CPA6: variants seen among roughly 807,000 people sequenced by gnomAD.
CPA6 encodes the protein carboxypeptidase B.
In CPA6, 58 loss-of-function variants were observed where a neutral mutation model predicts 63.3. The observed-to-expected ratio is 0.92, with a 90% confidence interval of 0.74 to 1.14. The LOEUF is 1.14. CPA6 is among the 50% of genes most tolerant of loss of function. The probability of loss-of-function intolerance (pLI) is 0.00; values close to 1 mark genes in which losing one functional copy is unlikely to be tolerated. For missense variants in CPA6, 565 were observed against 526.6 expected (o/e 1.07, Z -0.71); for synonymous variants, 185 against 179.0 (o/e 1.03, Z -0.27).
At chr8:67,600,329 G>T (rs180977382) in intron 2 of CPA6, among the ~76,000 whole-genome samples, 1 of 139,884 alleles carries the variant, frequency 7.1e-6, no homozygotes, top group East Asian at 2.5e-4. Context: ...ATAAAGCACA[G>T]AGTAGAATGG....
intron 2 of CPA6, among the ~76,000 whole-genome samples, chr8:67,611,422 T>C (rs78254518): frequency 0.026 from 3,964 of 152,234 alleles, 85 homozygotes; most frequent in African/African-American, 0.062. Context: ...CCACTTTAGA[T>C]GGTAGGGTTA....
intron 4 of CPA6, among the ~76,000 whole-genome samples, chr8:67,510,596 A>G (rs1230219314): frequency 6.6e-6 from 1 of 152,178 alleles, no homozygotes; most frequent in Non-Finnish European, 1.5e-5. Context: ...ATAATTTTGA[A>G]AGGAGAGTTG....
intron 1 of CPA6, among the ~76,000 whole-genome samples, chr8:67,671,535 A>G (rs1327606720): frequency 6.6e-6 from 1 of 152,202 alleles, no homozygotes; most frequent in East Asian, 1.9e-4. Flanking sequence ...CTGCTTCTAT[A>G]TGATTCTGGC....
In CPA6 at chr8:67,428,108, C is replaced by A; in HGVS notation, c.1065G>T (p.Val355=). Reference sequence around the variant, plus strand: ...CCCCGTATACTGACTGAAGTGCATTCACAGCTTTATAAGCTGCAGATTCCT... The same window carrying A: ...CCCCGTATACTGACTGAAGTGCATTAACAGCTTTATAAGCTGCAGATTCCT... ...RCVESAAYKA[V]NALQSVYGVR... The change falls in exon 10 of 11, where the codon GTG becomes GTT. Residue 355 remains valine (V), a synonymous_variant. Transcript: ENST00000297770. The A allele has an allele frequency of 6.2e-7, 1 of 1,612,522 alleles. No individual in the cohort carries two copies. The highest frequency in any genetic ancestry group is 8.5e-7 in the Non-Finnish European group (1 of 1,178,814).
At chr8:67,548,142 TCTCTCC>T (rs1812860671) in intron 2 of CPA6, among the ~76,000 whole-genome samples, 1 of 52,458 alleles carries the variant, frequency 1.9e-5, no homozygotes, top group South Asian at 7.6e-4. Context: ...CCTCTCTCTC[TCTCTCC>T]CTCTCATCCT....
At chr8:67,705,831 C>T (rs1817122361) in intron 1 of CPA6, among the ~76,000 whole-genome samples, 1 of 152,216 alleles carries the variant, frequency 6.6e-6, no homozygotes, top group African/African-American at 2.4e-5. Context: ...TGGATAACCT[C>T]CTTATATGCT....
At chr8:67,717,987 G>A (rs1253347805) in intron 1 of CPA6, among the ~76,000 whole-genome samples, 2 of 152,106 alleles carry the variant, frequency 1.3e-5, no homozygotes, top group East Asian at 3.9e-4. Flanking sequence ...CAGGCTTTCG[G>A]GAGATAAACA....
intron 2 of CPA6, among the ~76,000 whole-genome samples, chr8:67,596,405 CT>C (rs1455683287): frequency 6.6e-6 from 1 of 152,192 alleles, no homozygotes; most frequent in Non-Finnish European, 1.5e-5. Flanking sequence ...AGCTGTTAAG[CT>C]GCTTGTTTTA....
chr8:67,561,342 C>T (rs975333364), intron 2 of CPA6, among the ~76,000 whole-genome samples: 1 of 152,172 alleles, frequency 6.6e-6, no homozygotes, highest in African/African-American at 2.4e-5. Flanking sequence ...TTGGCAGACA[C>T]CTTTTCAATC....
chr8:67,489,519 A>G (rs1462385237), intron 6 of CPA6, among the ~76,000 whole-genome samples: 1 of 151,952 alleles, frequency 6.6e-6, no homozygotes. Context: ...TTTTTTTAAA[A>G]TAAATGATTT....
chr8:67,443,726 C>T (rs926203036), intron 8 of CPA6, among the ~76,000 whole-genome samples: 2 of 152,092 alleles, frequency 1.3e-5, no homozygotes, highest in African/African-American at 4.8e-5. Context: ...TTAGACTGAT[C>T]TTGTAAAAGT....
chr8:67,468,416 CTACTAAAAA>C (rs1490881324), intron 8 of CPA6, among the ~76,000 whole-genome samples: 2 of 151,070 alleles, frequency 1.3e-5, no homozygotes, highest in African/African-American at 4.9e-5. Context: ...AACCCTGTCT[CTACTAAAAA>C]TACTAAAAAA....
chr8:67,510,660 T>C (rs139341658), intron 4 of CPA6, among the ~76,000 whole-genome samples: 9 of 152,320 alleles, frequency 5.9e-5, no homozygotes, highest in Middle Eastern at 3.4e-3. Context: ...TCATTTATTT[T>C]ATGTCTGGCA....
At chr8:67,666,583 A>T (rs1365184101) in intron 1 of CPA6, among the ~76,000 whole-genome samples, 1 of 152,150 alleles carries the variant, frequency 6.6e-6, no homozygotes, top group Non-Finnish European at 1.5e-5. Context: ...AGCATGTGGA[A>T]TAGCAGCCCA....
At chr8:67,580,333 T>G (rs960824688) in intron 2 of CPA6, among the ~76,000 whole-genome samples, 2 of 152,134 alleles carry the variant, frequency 1.3e-5, no homozygotes, top group Non-Finnish European at 1.5e-5. Context: ...CAACACAAGT[T>G]GAGATAGCAT....
chr8:67,496,074 G>A (rs765049716), intron 6 of CPA6, among the ~76,000 whole-genome samples: 7 of 152,058 alleles, frequency 4.6e-5, no homozygotes, highest in Non-Finnish European at 1.0e-4. Flanking sequence ...CAACTTCTCA[G>A]TCAAGGCTGG....
intron 2 of CPA6, among the ~76,000 whole-genome samples, chr8:67,591,433 G>T (rs1416915826): frequency 1.6e-4 from 24 of 152,198 alleles, no homozygotes; most frequent in Admixed American, 1.5e-3. Flanking sequence ...ACAGTCATTG[G>T]TAGCTTGATG....
At chr8:67,506,672 TA>T (rs769111195) in intron 6 of CPA6, 114 bp downstream of exon 6, 3 of 693,222 alleles carry the variant, frequency 4.3e-6, no homozygotes, top group Non-Finnish European at 8.0e-6. Flanking sequence ...ATCAAGGTGT[TA>T]CTGTTATTCA....
At chr8:67,426,873 T>C (rs1377445173) in intron 10 of CPA6, among the ~76,000 whole-genome samples, 1 of 152,218 alleles carries the variant, frequency 6.6e-6, no homozygotes, top group Non-Finnish European at 1.5e-5. Context: ...CTTGTTACAG[T>C]TGTGGAAACT....
Sources: allele counts gnomAD v4.1 joint callset (sites outside exome capture counted in the v4.1 genomes callset), GRCh38; gene constraint gnomAD v4.1.1; transcripts MANE v1.5; gene names NCBI Gene and HGNC (gene_info 2026-07-23, HGNC 2026-07-21).